Variants in PPP3CA observed in about 807,000 individuals in gnomAD.
The protein encoded by PPP3CA is CAM-PRP catalytic subunit.
PPP3CA carries 14 observed loss-of-function variants against 66.5 expected under a neutral mutation model. The observed-to-expected ratio is 0.21, with a 90% CI of 0.14 to 0.33. The LOEUF (loss-of-function observed/expected upper bound fraction) is 0.33, where lower values mean the gene tolerates loss of function less well. Among genes scored for constraint, PPP3CA ranks in the 10% least tolerant of loss-of-function variants. PPP3CA has a pLI of 1.00. For missense variants in PPP3CA, 317 were observed against 639.5 expected (o/e 0.50, Z 5.44); for synonymous variants, 232 against 226.2 (o/e 1.03, Z -0.23).
At chr4:101,172,086 G>T (rs1723901580) in intron 2 of PPP3CA, among the ~76,000 whole-genome samples, 1 of 152,120 alleles carries the variant, frequency 6.6e-6, no homozygotes, top group South Asian at 2.1e-4. Context: ...AGCAGTGGGA[G>T]AAAGGAAGAA....
Position 101,346,814 on chromosome 4 carries a change from C to T in PPP3CA, c.-18G>A, listed in dbSNP as rs202209525. ...TCGGACATCTCCAGCTGCCGGAGGACAGCGACGCGCTGCTCGTCCGTCCGA... is the reference window on the plus strand; with the variant it reads ...TCGGACATCTCCAGCTGCCGGAGGATAGCGACGCGCTGCTCGTCCGTCCGA... On this transcript the variant is annotated 5_prime_UTR_variant, in exon 1 of 14. Coordinates refer to ENST00000394854, the MANE Select transcript of PPP3CA (RefSeq NM_000944.5). The T allele has an allele frequency of 5.0e-6, 8 of 1,608,388 alleles. No homozygotes were observed. In the East Asian group the frequency reaches 1.1e-4, roughly 23 times the overall value.
Position 101,195,987 on chromosome 4 carries a change from C to T in PPP3CA, c.188G>A (p.Arg63Lys). Residue 63 changes from arginine (R) to lysine (K), a missense_variant, in exon 2 of 14, where the codon AGA becomes AAA. By Grantham distance (26) the Arg-to-Lys change is conservative. Transcript: ENST00000394854. ...AATTGATGCACCCTCTGTTATTATT[C>T]TCAATGCAACACTCTCTTCCAGCCT... ...EGRLEESVAL[R>K]IITEGASILR... 1 of 1,614,020 alleles carries T rather than the reference C, an allele frequency of 6.2e-7. No individual in the cohort carries two copies. The highest frequency in any genetic ancestry group is 8.5e-7 in the Non-Finnish European group (1 of 1,179,970).
intron 10 of PPP3CA, among the ~76,000 whole-genome samples, chr4:101,053,514 C>T (rs769501015): frequency 7.1e-4 from 108 of 152,226 alleles, no homozygotes; most frequent in Non-Finnish European, 6.6e-4. Flanking sequence ...AAGTCAGCAA[C>T]TTGGAGGCCT....
chr4:101,031,654 CAGGTCTA>C (rs1726966970), intron 12 of PPP3CA, among the ~76,000 whole-genome samples: 1 of 152,146 alleles, frequency 6.6e-6, no homozygotes, highest in Admixed American at 6.5e-5. Context: ...CTGGACGGCA[CAGGTCTA>C]AGGTCTAGAA....
chr4:101,263,456 A>G lies in PPP3CA; in HGVS notation c.59-67340T>C, dbSNP rs560870623. Among the ~76,000 whole-genome samples the G allele has an allele frequency of 1.4e-4, 22 of 152,320 alleles. No homozygotes were observed. In the South Asian group the frequency reaches 4.6e-3, roughly 32 times the overall value. ...TAATCAACAAACAAATGTTTTTGTT[A>G]ATACTTCCTTCACAGAGGGCAATAA... On this transcript the variant is annotated intron_variant, in intron 1 of 13. Transcript: ENST00000394854.
intron 1 of PPP3CA, among the ~76,000 whole-genome samples, chr4:101,291,288 C>T (rs1233113675): frequency 3.3e-5 from 5 of 152,134 alleles, no homozygotes; most frequent in African/African-American, 1.2e-4. Context: ...TCAAGAGTTG[C>T]TGTGTGATGT....
intron 2 of PPP3CA, among the ~76,000 whole-genome samples, chr4:101,186,854 T>C (rs1295435935): frequency 6.6e-6 from 1 of 152,080 alleles, no homozygotes; most frequent in Non-Finnish European, 1.5e-5. Context: ...AACCATACAC[T>C]AGAATCAACA....
chr4:101,221,316 C>T (rs1725617159), intron 1 of PPP3CA, among the ~76,000 whole-genome samples: 1 of 151,544 alleles, frequency 6.6e-6, no homozygotes, highest in Non-Finnish European at 1.5e-5. Flanking sequence ...CTCTGTAGTG[C>T]TATGTACAGA....
chr4:101,133,111 G>A (rs1330648390), intron 2 of PPP3CA, among the ~76,000 whole-genome samples: 1 of 152,080 alleles, frequency 6.6e-6, no homozygotes, highest in African/African-American at 2.4e-5. Context: ...AAAGTAATAA[G>A]AGCTGTTTAT....
chr4:101,111,385 T>A (rs1469715596), intron 2 of PPP3CA, among the ~76,000 whole-genome samples: 1 of 152,166 alleles, frequency 6.6e-6, no homozygotes, highest in Non-Finnish European at 1.5e-5. Flanking sequence ...CATGTCTTGC[T>A]ACTGGCTCTC....
At chr4:101,247,772 T>C (rs1244198266) in intron 1 of PPP3CA, among the ~76,000 whole-genome samples, 2 of 152,070 alleles carry the variant, frequency 1.3e-5, no homozygotes, top group Admixed American at 6.6e-5. Context: ...AAGAGCAAAA[T>C]AGCAATACTG....
At chr4:101,164,044 A>T (rs1396753936) in intron 2 of PPP3CA, among the ~76,000 whole-genome samples, 1 of 12,374 alleles carries the variant, frequency 8.1e-5, no homozygotes, top group Non-Finnish European at 1.4e-4. Context: ...GCAGTGGTGT[A>T]ATCATAACTT....
At chr4:101,339,725 C>T (rs1332844143) in intron 1 of PPP3CA, among the ~76,000 whole-genome samples, 1 of 152,170 alleles carries the variant, frequency 6.6e-6, no homozygotes, top group African/African-American at 2.4e-5. Context: ...ATTTAATAAG[C>T]AAGGCATTGA....
At chr4:101,087,309 C>A (rs1729714815) in intron 6 of PPP3CA, among the ~76,000 whole-genome samples, 1 of 152,146 alleles carries the variant, frequency 6.6e-6, no homozygotes, top group South Asian at 2.1e-4. Flanking sequence ...AAGTGGCAAG[C>A]AATTTTTATT....
chr4:101,050,917 A>G (rs1226584542), intron 10 of PPP3CA, among the ~76,000 whole-genome samples: 2 of 152,112 alleles, frequency 1.3e-5, no homozygotes, highest in African/African-American at 4.8e-5. Flanking sequence ...AAATTAAATG[A>G]TGTATTATGT....
intron 2 of PPP3CA, among the ~76,000 whole-genome samples, chr4:101,184,971 A>T (rs1157800906): frequency 6.6e-6 from 1 of 152,116 alleles, no homozygotes; most frequent in Admixed American, 6.6e-5. Context: ...AAGGAGCAGG[A>T]GGCAAAAAAT....
At chr4:101,035,851 C>A (rs1435595563) in intron 11 of PPP3CA, among the ~76,000 whole-genome samples, 4 of 152,160 alleles carry the variant, frequency 2.6e-5, no homozygotes, top group Admixed American at 6.5e-5. Context: ...GATGACCATG[C>A]CCTCCGTCCT....
At chr4:101,162,924 A>G (rs1199263711) in intron 2 of PPP3CA, among the ~76,000 whole-genome samples, 1 of 152,196 alleles carries the variant, frequency 6.6e-6, no homozygotes, top group South Asian at 2.1e-4. Context: ...TGGAAGCTGA[A>G]GCACTATGTT....
intron 1 of PPP3CA, among the ~76,000 whole-genome samples, chr4:101,283,727 C>A (rs995470304): frequency 8.5e-5 from 13 of 152,066 alleles, no homozygotes; most frequent in African/African-American, 3.1e-4. Flanking sequence ...CATGTAAAGA[C>A]AATCAGATTT....
Sources: allele counts gnomAD v4.1 joint callset (sites outside exome capture counted in the v4.1 genomes callset), GRCh38; gene constraint gnomAD v4.1.1; transcripts MANE v1.5; gene names NCBI Gene and HGNC (gene_info 2026-07-23, HGNC 2026-07-21).